The following ABHD17B variants were observed in gnomAD, a reference collection of about 807,000 sequenced individuals.
The protein encoded by ABHD17B is abhydrolase domain containing 17B, depalmitoylase.
In ABHD17B, 9 loss-of-function variants were observed where a neutral mutation model predicts 26.2. The observed-to-expected ratio is 0.34, with a 90% CI of 0.21 to 0.60. The LOEUF (loss-of-function observed/expected upper bound fraction) is 0.60. Among genes scored for constraint, ABHD17B ranks in the 20% least tolerant of loss-of-function variants. ABHD17B has a pLI of 0.80. For missense variants in ABHD17B, 224 were observed against 352.1 expected, an observed-to-expected ratio of 0.64 and a Z score of 2.91; for synonymous variants, 127 against 122.3, an observed-to-expected ratio of 1.04 and a Z score of -0.25.
Position 71,865,419 on chromosome 9 carries a change from G to A in ABHD17B, c.*1368C>T. 1.0e-6 allele frequency: 1 copy of A among 984,290 alleles called. No homozygotes were observed. Among genetic ancestry groups the A allele is most frequent in the Non-Finnish European group, 1.2e-6 (1 of 828,982 alleles). The allele number at this position is 984,290 out of a possible 1,614,324, so 61.0% of individuals were successfully genotyped here. A position where few individuals can be genotyped will look rare whatever the true frequency, so the allele number is the denominator to read the frequency against. On this transcript the variant is annotated 3_prime_UTR_variant, in exon 4 of 4. Coordinates refer to ENST00000333421, the MANE Select transcript of ABHD17B (RefSeq NM_001025780.3). ...TCAGACAGGGTTCATTCAAGGAAAGGCAACTTAGTTTTTGTATGTGTGAGC... is the reference window on the plus strand; with the variant it reads ...TCAGACAGGGTTCATTCAAGGAAAGACAACTTAGTTTTTGTATGTGTGAGC...
At chr9:71,901,149 C>T (rs1049968101) in intron 1 of ABHD17B, among the ~76,000 whole-genome samples, 1 of 151,898 alleles carries the variant, frequency 6.6e-6, no homozygotes. Flanking sequence ...GAGACTCTGT[C>T]TCAAAATAAA....
chr9:71,909,335 G>A (rs547298773), intron 1 of ABHD17B, among the ~76,000 whole-genome samples: 13 of 152,290 alleles, frequency 8.5e-5, no homozygotes, highest in Admixed American at 2.6e-4. Context: ...TACCTCTGCT[G>A]TTCCTTAAGT....
chr9:71,882,228 T>A (rs1826465153), intron 1 of ABHD17B, among the ~76,000 whole-genome samples: 1 of 152,216 alleles, frequency 6.6e-6, no homozygotes, highest in Non-Finnish European at 1.5e-5. Flanking sequence ...GAGTTGCCAT[T>A]TGACAAAGCA....
rs202142429 is a variant in ABHD17B, at chr9:71,880,523, T to G, written c.-3-5440A>C. Among the ~76,000 whole-genome samples the G allele has an allele frequency of 3.6e-4, 55 of 152,098 alleles. 2 individuals carry two copies. In the East Asian group the frequency reaches 8.1e-3, roughly 22 times the overall value. ...ATAGATATACAGGGACAAAACAATA[T>G]GTTTGGTAGATGATATAATTACCCT... is the stretch of plus-strand genomic sequence containing the variant. On this transcript the variant is annotated intron_variant, in intron 1 of 3. Transcript: ENST00000333421.
chr9:71,881,197 G>C lies in ABHD17B; in HGVS notation c.-3-6114C>G, dbSNP rs112334229. On this transcript the variant is annotated intron_variant, in intron 1 of 3. Transcript: ENST00000333421. ...ATCCAGAAATAAACCTGACATTTAT[G>C]GTCAGTTGATTTTTGACAAGAGTGC... Among the ~76,000 whole-genome samples, 569 of 152,268 alleles carry C rather than the reference G, an allele frequency of 3.7e-3. 3 individuals are homozygous for C. The highest frequency in any genetic ancestry group is 0.014 in the Middle Eastern group (4 of 294).
At chr9:71,871,611 C>T (rs920631080) in intron 2 of ABHD17B, among the ~76,000 whole-genome samples, 1 of 152,102 alleles carries the variant, frequency 6.6e-6, no homozygotes, top group African/African-American at 2.4e-5. Context: ...TGACAATGCT[C>T]AAGGATAGAG....
At chr9:71,884,830 T>C (rs939141290) in intron 1 of ABHD17B, among the ~76,000 whole-genome samples, 1 of 151,956 alleles carries the variant, frequency 6.6e-6, no homozygotes, top group Non-Finnish European at 1.5e-5. Flanking sequence ...AATGAATGAG[T>C]TAGTAAATTA....
intron 1 of ABHD17B, among the ~76,000 whole-genome samples, chr9:71,883,276 T>C (rs1345938106): frequency 6.6e-6 from 1 of 151,930 alleles, no homozygotes; most frequent in Non-Finnish European, 1.5e-5. Context: ...ATTTGTGGGG[T>C]AGATAGGAAT....
intron 1 of ABHD17B, among the ~76,000 whole-genome samples, chr9:71,883,882 A>T (rs1181732137): frequency 1.3e-5 from 2 of 152,132 alleles, no homozygotes; most frequent in Non-Finnish European, 2.9e-5. Flanking sequence ...GGTTGCAGTG[A>T]GCCGAGATTG....
intron 2 of ABHD17B, among the ~76,000 whole-genome samples, chr9:71,870,641 G>A (rs1851880): frequency 0.94 from 142,430 of 152,228 alleles, 67,281 homozygotes; most frequent in East Asian, 1. Flanking sequence ...TTTATTTTCC[G>A]TTCAGTGTAA....
At chr9:71,878,767 A>G (rs976126362) in intron 1 of ABHD17B, among the ~76,000 whole-genome samples, 7 of 152,068 alleles carry the variant, frequency 4.6e-5, no homozygotes, top group African/African-American at 1.4e-4. Flanking sequence ...AAAAAAAACA[A>G]AGAGAGAGAG....
At position 71,865,537 on chromosome 9, in the gene ABHD17B, A is replaced by G. The variant is rs1174178683; in HGVS notation, c.*1250T>C. 3.0e-6 allele frequency: 3 copies of G among 985,156 alleles called. No individual in the cohort carries two copies. Among genetic ancestry groups the G allele is most frequent in the African/African-American group, 3.5e-5 (2 of 57,196 alleles). 61.0% of individuals were successfully genotyped at this position (985,156 alleles called of 1,614,324 possible). On this transcript the variant is annotated 3_prime_UTR_variant, in exon 4 of 4. Transcript: ENST00000333421. Reference sequence around the variant, plus strand: ...AGGAGTGAATCCATGAAATTCTCAGATAGTAATCCAAAACAATAGGTCCTA... The same window carrying G: ...AGGAGTGAATCCATGAAATTCTCAGGTAGTAATCCAAAACAATAGGTCCTA...
At chr9:71,887,755 A>G (rs749736806) in intron 1 of ABHD17B, among the ~76,000 whole-genome samples, 43 of 152,222 alleles carry the variant, frequency 2.8e-4, no homozygotes, top group Non-Finnish European at 5.0e-4. Context: ...CTTTTCCATC[A>G]AAGTACATAT....
At chr9:71,902,036 C>A (rs562443288) in intron 1 of ABHD17B, among the ~76,000 whole-genome samples, 2 of 152,278 alleles carry the variant, frequency 1.3e-5, no homozygotes, top group South Asian at 2.1e-4. Context: ...CTGTTCCTCG[C>A]TAAGAGAGGT....
At chr9:71,867,138 T>C (rs1589207944) in intron 3 of ABHD17B, 132 bp from the exon 4 acceptor site, 1 of 1,118,522 alleles carries the variant, frequency 8.9e-7, no homozygotes. Flanking sequence ...GAATGTCTCC[T>C]GAATTTCCAG....
At chr9:71,868,048 A>T (rs1338197961) in intron 3 of ABHD17B, among the ~76,000 whole-genome samples, 14 of 54,154 alleles carry the variant, frequency 2.6e-4, no homozygotes, top group Non-Finnish European at 3.8e-4. Context: ...CTCTACTAAA[A>T]ATACAAAAAA....
chr9:71,900,905 T>G (rs1489057281), intron 1 of ABHD17B, among the ~76,000 whole-genome samples: 4 of 151,172 alleles, frequency 2.6e-5, no homozygotes, highest in Non-Finnish European at 5.9e-5. Flanking sequence ...ATCCCAGCAC[T>G]TTGGGAGGCC....
intron 1 of ABHD17B, among the ~76,000 whole-genome samples, chr9:71,898,516 G>A (rs1290118825): frequency 6.6e-6 from 1 of 151,474 alleles, no homozygotes; most frequent in Non-Finnish European, 1.5e-5. Flanking sequence ...GTGCATGCCT[G>A]TAATCCCAAC....
At chr9:71,906,551 T>C (rs1827290602) in intron 1 of ABHD17B, among the ~76,000 whole-genome samples, 1 of 152,154 alleles carries the variant, frequency 6.6e-6, no homozygotes, top group South Asian at 2.1e-4. Context: ...GGCTCATGTC[T>C]GTAATCCCAA....
Sources: allele counts gnomAD v4.1 joint callset (sites outside exome capture counted in the v4.1 genomes callset), GRCh38; gene constraint gnomAD v4.1.1; transcripts MANE v1.5; gene names NCBI Gene and HGNC (gene_info 2026-07-23, HGNC 2026-07-21).